TMPRSS15: variants seen among roughly 807,000 people sequenced by gnomAD.
TMPRSS15 encodes the protein enteropeptidase.
Under a neutral mutation model 125.3 loss-of-function variants are expected in TMPRSS15, and 128 were observed. The observed-to-expected ratio is 1.02, with a 90% CI of 0.89 to 1.18. The LOEUF is 1.18. TMPRSS15 is among the 50% of genes most tolerant of loss of function. The probability of loss-of-function intolerance (pLI) is 0.00; values close to 1 mark genes in which losing one functional copy is unlikely to be tolerated. For synonymous variants in TMPRSS15, 446 were observed against 423.2 expected (o/e 1.05, Z -0.66); for missense variants, 1,283 against 1,212.7 (o/e 1.06, Z -0.86).
chr21:18,440,075 G>A (rs68022780), intron 1 of TMPRSS15, among the ~76,000 whole-genome samples: 16,715 of 152,134 alleles, frequency 0.11, 1,017 homozygotes, highest in African/African-American at 0.13. Context: ...AACTCACACA[G>A]AAGAAAACTG....
intron 10 of TMPRSS15, among the ~76,000 whole-genome samples, chr21:18,346,762 C>T (rs187496081): frequency 1.6e-4 from 24 of 152,326 alleles, no homozygotes; most frequent in Non-Finnish European, 2.9e-4. Flanking sequence ...TCACTTCTAG[C>T]TCTCTGAGTC....
intron 18 of TMPRSS15, among the ~76,000 whole-genome samples, chr21:18,308,545 A>C (rs373596799): frequency 5.3e-5 from 8 of 152,282 alleles, no homozygotes; most frequent in Admixed American, 2.0e-4. Flanking sequence ...CCATTTTATA[A>C]AAAGTTTAAA....
At chr21:18,366,814 G>T (rs2824775) in intron 6 of TMPRSS15, among the ~76,000 whole-genome samples, 38,996 of 151,846 alleles carry the variant, frequency 0.26, 5,158 homozygotes, top group Middle Eastern at 0.31. Flanking sequence ...AATTTGCTGT[G>T]TTTGGAATCT....
chr21:18,337,105 G>T (rs2075399879), intron 13 of TMPRSS15, among the ~76,000 whole-genome samples: 1 of 152,194 alleles, frequency 6.6e-6, no homozygotes, highest in African/African-American at 2.4e-5. Context: ...TGTTGGCGAG[G>T]CTGGTCTTGA....
intron 1 of TMPRSS15, chr21:18,477,790 T>C (rs1978906575): frequency 6.6e-6 from 1 of 152,244 alleles, no homozygotes; most frequent in African/African-American, 2.4e-5. Context: ...TCATAATTCC[T>C]TCCTGAATAA....
intron 1 of TMPRSS15, among the ~76,000 whole-genome samples, chr21:18,411,064 A>C (rs2076164850): frequency 1.3e-5 from 2 of 152,266 alleles, no homozygotes; most frequent in South Asian, 4.1e-4. Flanking sequence ...ACAAACTAAA[A>C]ATGCTTTAAA....
In TMPRSS15 at chr21:18,400,875, T is replaced by C. The variant is rs540252309; in HGVS notation, c.146-2546A>G. Among the ~76,000 whole-genome samples the C allele has an allele frequency of 2.6e-5, 4 of 152,046 alleles. No individual in the cohort carries two copies. The South Asian group carries it at 8.3e-4, about 32-fold the overall frequency. On this transcript the variant is annotated intron_variant, in intron 1 of 24. Transcript: ENST00000284885. The stretch of plus-strand genomic sequence containing the variant: ...CGAATCTATAAGGATCTTAAATAAT[T>C]GCACAAACAAAAAACAAATAAACCC...
At chr21:18,390,091 C>T (rs4482570) in intron 3 of TMPRSS15, among the ~76,000 whole-genome samples, 46,500 of 152,020 alleles carry the variant, frequency 0.31, 7,225 homozygotes, top group Middle Eastern at 0.38. Context: ...TATCTTTATC[C>T]GAAATGGCTT....
chr21:18,482,567 G>C (rs920253230), intron 1 of TMPRSS15, among the ~76,000 whole-genome samples: 1 of 151,324 alleles, frequency 6.6e-6, no homozygotes, highest in Admixed American at 6.6e-5. Flanking sequence ...AAAATATTAT[G>C]TACCAATAAA....
chr21:18,360,632 T>C lies in TMPRSS15; in HGVS notation c.774-769A>G, dbSNP rs191876062. On this transcript the variant is annotated intron_variant, in intron 7 of 24. Coordinates refer to ENST00000284885, the MANE Select transcript of TMPRSS15 (RefSeq NM_002772.3). ...GTGAGGCTTTATAGTGGGCTTTCTA[T>C]TCTGTCTATGTGTTTGTCTTTTTGC... 6.6e-4 allele frequency among the ~76,000 whole-genome samples: 100 copies of C among 152,266 alleles called. 1 individual carries two copies. In the Middle Eastern group the frequency reaches 0.01, roughly 16 times the overall value.
Position 18,353,313 on chromosome 21 carries a change from G to A in TMPRSS15, c.1022-261C>T, listed in dbSNP as rs535121832. Among the ~76,000 whole-genome samples, 14 of 151,452 alleles carry A rather than the reference G, an allele frequency of 9.2e-5. No individual in the cohort carries two copies. The East Asian group carries it at 2.7e-3, about 29-fold the overall frequency. On this transcript the variant is annotated intron_variant, in intron 9 of 24. Coordinates refer to ENST00000284885, the MANE Select transcript of TMPRSS15 (RefSeq NM_002772.3). ...CAAATATAAGTTTCTCATTTTTTAA[G>A]TTTTACATCTTGTTTCCATTGGTTC...
At chr21:18,472,480 T>TATACAC (rs1491127013) in intron 1 of TMPRSS15, among the ~76,000 whole-genome samples, 7 of 112,360 alleles carry the variant, frequency 6.2e-5, no homozygotes, top group African/African-American at 2.2e-4. Flanking sequence ...TATATATATA[T>TATACAC]ACACACACAC....
At position 18,398,150 on chromosome 21, in the gene TMPRSS15, A is replaced by G. The variant is rs758538176; in HGVS notation, c.276+49T>C. The G allele has an allele frequency of 3.1e-6, 5 of 1,606,260 alleles. No homozygotes were observed. In the African/African-American group the frequency reaches 6.7e-5, roughly 21 times the overall value. ...CAGTGAGAAAATGGTGTTTTCAGCA[A>G]GTAGTTAAACTGTGTTATAAAATTT... On this transcript the variant is annotated intron_variant, in intron 2 of 24. Transcript: ENST00000284885.
At chr21:18,299,632 T>C (rs563463742) in intron 18 of TMPRSS15, among the ~76,000 whole-genome samples, 256 of 152,312 alleles carry the variant, frequency 1.7e-3, no homozygotes, top group Non-Finnish European at 3.3e-3. Context: ...TCTTTTCTTG[T>C]GTTTGATCAT....
At chr21:18,271,943 G>C (rs2074561939) in intron 24 of TMPRSS15, among the ~76,000 whole-genome samples, 1 of 152,010 alleles carries the variant, frequency 6.6e-6, no homozygotes, top group Non-Finnish European at 1.5e-5. Flanking sequence ...ATCCCATGGT[G>C]TATATGTGCC....
At position 18,355,040 on chromosome 21, in the gene TMPRSS15, A is replaced by T. The variant is rs180932764; in HGVS notation, c.881-1177T>A. On this transcript the variant is annotated intron_variant, in intron 8 of 24. Transcript: ENST00000284885. ...ATGAACAAGCATTGATTCACATCTTAATGTTTTTCCCCAAAATGTGTGTCA... is the reference window on the plus strand; with the variant it reads ...ATGAACAAGCATTGATTCACATCTTTATGTTTTTCCCCAAAATGTGTGTCA... 1.8e-3 allele frequency among the ~76,000 whole-genome samples: 269 copies of T among 151,964 alleles called. 2 individuals are homozygous for T. The highest frequency in any genetic ancestry group is 2.8e-3 in the Non-Finnish European group (193 of 67,802).
chr21:18,278,326 C>T (rs2074645423), intron 23 of TMPRSS15, among the ~76,000 whole-genome samples: 3 of 107,272 alleles, frequency 2.8e-5, no homozygotes, highest in African/African-American at 3.7e-5. Context: ...GTTTATAATA[C>T]TAAAACTAGA....
intron 5 of TMPRSS15, among the ~76,000 whole-genome samples, chr21:18,378,193 A>G (rs2075861550): frequency 6.6e-6 from 1 of 152,082 alleles, no homozygotes; most frequent in Non-Finnish European, 1.5e-5. Context: ...TTATTTTTAA[A>G]CCAAAAGAAT....
At chr21:18,373,705 T>C (rs957967862) in intron 5 of TMPRSS15, among the ~76,000 whole-genome samples, 42 of 152,322 alleles carry the variant, frequency 2.8e-4, no homozygotes, top group Middle Eastern at 3.4e-3. Context: ...GGAACATATA[T>C]CACTTTGGCT....
Sources: allele counts gnomAD v4.1 joint callset (sites outside exome capture counted in the v4.1 genomes callset), GRCh38; gene constraint gnomAD v4.1.1; transcripts MANE v1.5; gene names NCBI Gene and HGNC (gene_info 2026-07-23, HGNC 2026-07-21).